UTRN: variants seen among roughly 807,000 people sequenced by gnomAD.
The protein encoded by UTRN is utrophin.
Under a neutral mutation model 463.9 loss-of-function variants are expected in UTRN, and 283 were observed. The observed-to-expected ratio is 0.61, with a 90% confidence interval of 0.55 to 0.67. UTRN has a LOEUF of 0.67. UTRN is among the 30% of genes least tolerant of loss of function. The pLI is 0.00. For synonymous variants in UTRN, 1,442 were observed against 1,431.5 expected, an observed-to-expected ratio of 1.01 and a Z score of -0.17; for missense variants, 3,922 against 4,084.3, an observed-to-expected ratio of 0.96 and a Z score of 1.08.
intron 2 of UTRN, among the ~76,000 whole-genome samples, chr6:144,332,936 ATTT>A (rs916054934): frequency 2.1e-5 from 3 of 143,376 alleles, no homozygotes; most frequent in Non-Finnish European, 4.6e-5. Context: ...TTATTTATTT[ATTT>A]ATTTATTTAT....
At chr6:144,782,232 C>T (rs1168979192) in intron 61 of UTRN, 109 bp downstream of exon 61, 3 of 917,134 alleles carry the variant, frequency 3.3e-6, no homozygotes, top group Admixed American at 6.3e-5. Context: ...AAATTACTTT[C>T]CCAGTGGAAA....
At chr6:144,741,111 T>A (rs1790019279) in intron 54 of UTRN, among the ~76,000 whole-genome samples, 1 of 152,246 alleles carries the variant, frequency 6.6e-6, no homozygotes, top group African/African-American at 2.4e-5. Context: ...AATTAGAGGT[T>A]TTGCCATTTT....
intron 51 of UTRN, among the ~76,000 whole-genome samples, chr6:144,595,684 A>AT (rs1400001447): frequency 6.6e-6 from 1 of 152,202 alleles, no homozygotes; most frequent in Non-Finnish European, 1.5e-5. Context: ...TTCAATCCAG[A>AT]ATTAGGGCAG....
At chr6:144,396,497 T>C in intron 2 of UTRN, among the ~76,000 whole-genome samples, 1 of 152,218 alleles carries the variant, frequency 6.6e-6, no homozygotes, top group East Asian at 1.9e-4. Context: ...CTGAATTGTA[T>C]GATTAAAAAT....
chr6:144,785,578 C>A (rs1249089301), intron 61 of UTRN, among the ~76,000 whole-genome samples: 4 of 151,720 alleles, frequency 2.6e-5, no homozygotes, highest in Non-Finnish European at 5.9e-5. Flanking sequence ...TTAACATGTA[C>A]CCACCTCCTG....
intron 45 of UTRN, among the ~76,000 whole-genome samples, chr6:144,542,563 G>C (rs1798066574): frequency 6.6e-6 from 1 of 152,164 alleles, no homozygotes; most frequent in Non-Finnish European, 1.5e-5. Context: ...GCATTAACTG[G>C]TGCACAGGGG....
At chr6:144,633,951 A>C (rs1776822442) in intron 51 of UTRN, among the ~76,000 whole-genome samples, 1 of 152,234 alleles carries the variant, frequency 6.6e-6, no homozygotes, top group South Asian at 2.1e-4. Flanking sequence ...TTTGGATTAG[A>C]TGTGCAGGAA....
intron 2 of UTRN, among the ~76,000 whole-genome samples, chr6:144,313,871 A>C (rs932340178): frequency 6.6e-6 from 1 of 152,212 alleles, no homozygotes; most frequent in South Asian, 2.1e-4. Flanking sequence ...TGATGCTACA[A>C]AGAGAATGTT....
chr6:144,432,986 G>T (rs1464977620), intron 9 of UTRN, among the ~76,000 whole-genome samples: 2 of 152,130 alleles, frequency 1.3e-5, no homozygotes, highest in South Asian at 2.1e-4. Context: ...ATGTTTCAGA[G>T]AGCACAGGGT....
intron 13 of UTRN, among the ~76,000 whole-genome samples, chr6:144,442,206 A>G (rs766879089): frequency 7.2e-5 from 11 of 152,166 alleles, no homozygotes; most frequent in Admixed American, 2.6e-4. Flanking sequence ...TCAGGCTGCA[A>G]ATTTCTCAAA....
In UTRN at chr6:144,336,496, G is replaced by A. The variant is rs144170402; in HGVS notation, c.79+44589G>A. 1.1e-3 allele frequency among the ~76,000 whole-genome samples: 170 copies of A among 152,168 alleles called. 2 individuals are homozygous for A. In the East Asian group the frequency reaches 0.027, roughly 24 times the overall value. ...GACACTTGGACACATTTTTTTTCCT[G>A]CCAACACCAAAGAATAATTTCTAGG... On this transcript the variant is annotated intron_variant, in intron 2 of 74. Coordinates refer to ENST00000367545, the MANE Select transcript of UTRN (RefSeq NM_007124.3).
chr6:144,745,560 T>C (rs1369654792), intron 54 of UTRN, among the ~76,000 whole-genome samples: 1 of 152,214 alleles, frequency 6.6e-6, no homozygotes, highest in African/African-American at 2.4e-5. Context: ...GCTTTTCTTT[T>C]CTTCTGAGTA....
At chr6:144,777,850 G>C (rs1041586944) in intron 60 of UTRN, among the ~76,000 whole-genome samples, 1 of 151,776 alleles carries the variant, frequency 6.6e-6, no homozygotes, top group Non-Finnish European at 1.5e-5. Flanking sequence ...GGTGTAGATG[G>C]TGTTCAAGGA....
intron 51 of UTRN, among the ~76,000 whole-genome samples, chr6:144,592,855 C>T (rs1226922614): frequency 6.6e-6 from 1 of 152,072 alleles, no homozygotes; most frequent in African/African-American, 2.4e-5. Context: ...TAAACGGAAA[C>T]CTAGTCAAGT....
At chr6:144,826,813 T>G (rs1780228233) in intron 66 of UTRN, among the ~76,000 whole-genome samples, 1 of 152,226 alleles carries the variant, frequency 6.6e-6, no homozygotes, top group African/African-American at 2.4e-5. Context: ...GTTCAATGTG[T>G]GTGTGAGGTT....
chr6:144,331,846 A>G (rs1776355836), intron 2 of UTRN, among the ~76,000 whole-genome samples: 1 of 152,212 alleles, frequency 6.6e-6, no homozygotes, highest in Non-Finnish European at 1.5e-5. Context: ...AAAGTGGTAG[A>G]GAGGAATGTG....
rs143818005 is a variant in UTRN at position 144,452,816 on chromosome 6, C to T, written c.2197-966C>T. ...AAAATTTGTGGGGCGTGAGCTTGCA[C>T]TTGTAACTCCAACTACTCGGGAGGC... On this transcript the variant is annotated intron_variant, in intron 18 of 74. Transcript: ENST00000367545. 2.1e-3 allele frequency among the ~76,000 whole-genome samples: 318 copies of T among 151,350 alleles called. 3 individuals carry two copies. Among genetic ancestry groups the T allele is most frequent in the East Asian group, 9.0e-3 (46 of 5,106 alleles).
At chr6:144,706,420 A>T (rs1450566204) in intron 53 of UTRN, among the ~76,000 whole-genome samples, 1 of 152,168 alleles carries the variant, frequency 6.6e-6, no homozygotes, top group East Asian at 1.9e-4. Context: ...GTGTAGTTTA[A>T]GCAAACCTGA....
At chr6:144,580,538 A>G (rs1801876749) in intron 51 of UTRN, among the ~76,000 whole-genome samples, 1 of 152,058 alleles carries the variant, frequency 6.6e-6, no homozygotes, top group Non-Finnish European at 1.5e-5. Context: ...TCTTTTAAGG[A>G]TGGATGATGA....
Sources: allele counts gnomAD v4.1 joint callset (sites outside exome capture counted in the v4.1 genomes callset), GRCh38; gene constraint gnomAD v4.1.1; transcripts MANE v1.5; gene names NCBI Gene and HGNC (gene_info 2026-07-23, HGNC 2026-07-21).